The following RAD51B variants were observed in gnomAD, a reference collection of about 807,000 sequenced individuals.
RAD51B encodes the protein RAD51 paralog B.
A neutral mutation model predicts 42.2 loss-of-function variants in RAD51B; 38 were observed. The ratio of observed to expected loss-of-function variants is 0.90; its 90% CI spans 0.70 to 1.18. The LOEUF (loss-of-function observed/expected upper bound fraction) is 1.18, where lower values mean the gene tolerates loss of function less well. Among genes scored for constraint, RAD51B ranks in the 50% most tolerant of loss-of-function variants. The pLI is 0.00. For missense variants in RAD51B, 373 were observed against 400.7 expected (o/e 0.93, Z 0.59); for synonymous variants, 154 against 145.2 (o/e 1.06, Z -0.43).
At chr14:67,974,146 A>G (rs931639887) in intron 7 of RAD51B, among the ~76,000 whole-genome samples, 13 of 152,096 alleles carry the variant, frequency 8.5e-5, no homozygotes, top group African/African-American at 2.9e-4. Context: ...ATTGAATATT[A>G]AATACAAAAG....
intron 10 of RAD51B, among the ~76,000 whole-genome samples, chr14:68,561,837 G>C (rs1889166724): frequency 1.3e-5 from 2 of 152,198 alleles, no homozygotes; most frequent in South Asian, 4.1e-4. Context: ...CACACTGGTG[G>C]CCCGACTTGT....
intron 10 of RAD51B, among the ~76,000 whole-genome samples, chr14:68,648,951 T>C (rs1892642731): frequency 6.6e-6 from 1 of 152,052 alleles, no homozygotes; most frequent in Non-Finnish European, 1.5e-5. Context: ...CAGAGTGCAG[T>C]CCTAGGACTG....
At chr14:68,675,265 G>A (rs1430419595) in intron 11 of RAD51B, among the ~76,000 whole-genome samples, 1 of 152,120 alleles carries the variant, frequency 6.6e-6, no homozygotes, top group African/African-American at 2.4e-5. Context: ...TCTGGGTTAG[G>A]GCTCTGCTTT....
intron 7 of RAD51B, among the ~76,000 whole-genome samples, chr14:67,973,850 C>T (rs761047528): frequency 1.3e-4 from 20 of 152,124 alleles, no homozygotes; most frequent in Admixed American, 1.3e-4. Flanking sequence ...AAAAAGCAAG[C>T]ATCCAATGTT....
intron 10 of RAD51B, chr14:68,469,095 C>T: frequency 5.8e-6 from 3 of 514,230 alleles, no homozygotes; most frequent in Non-Finnish European, 1.2e-5. Flanking sequence ...TGCTGTGGGG[C>T]AGGAGACCCC....
intron 7 of RAD51B, 136 bp from the exon 8 acceptor site, chr14:68,291,744 GGGCT>G (rs1436551962): frequency 6.5e-6 from 4 of 616,690 alleles, no homozygotes; most frequent in Middle Eastern, 2.8e-4. Context: ...GTGAAAGTCA[GGGCT>G]GGGGTTTTGC....
chr14:68,120,760 C>T (rs921116257), intron 7 of RAD51B, among the ~76,000 whole-genome samples: 2 of 152,072 alleles, frequency 1.3e-5, no homozygotes, highest in African/African-American at 4.8e-5. Context: ...CTGCTATCCT[C>T]CCAACTCTCT....
chr14:68,499,167 C>T (rs768998421), intron 10 of RAD51B, among the ~76,000 whole-genome samples: 1 of 152,126 alleles, frequency 6.6e-6, no homozygotes, highest in Non-Finnish European at 1.5e-5. Flanking sequence ...TTTTTGCACT[C>T]GTAAGCCTAA....
intron 7 of RAD51B, among the ~76,000 whole-genome samples, chr14:68,205,584 G>GT (rs1283326545): frequency 2.6e-5 from 4 of 151,206 alleles, no homozygotes; most frequent in East Asian, 1.9e-4. Context: ...TTTTTTGGTT[G>GT]TTTTTTGTGT....
At chr14:68,428,711 A>C (rs1172504831) in intron 9 of RAD51B, among the ~76,000 whole-genome samples, 1 of 624 alleles carries the variant, frequency 1.6e-3, no homozygotes, top group Non-Finnish European at 7.5e-3. Flanking sequence ...TTTTCTTTAT[A>C]TATATATATA....
At chr14:68,274,077 T>G (rs1451599626) in intron 7 of RAD51B, among the ~76,000 whole-genome samples, 1 of 152,190 alleles carries the variant, frequency 6.6e-6, no homozygotes, top group Non-Finnish European at 1.5e-5. Flanking sequence ...CTCTTGTTGA[T>G]TCTACTAGTG....
chr14:68,007,918 G>A (rs2075618028), intron 7 of RAD51B, among the ~76,000 whole-genome samples: 1 of 151,812 alleles, frequency 6.6e-6, no homozygotes, highest in Non-Finnish European at 1.5e-5. Flanking sequence ...TAAAGAAAAA[G>A]CAAATTACAT....
intron 8 of RAD51B, among the ~76,000 whole-genome samples, chr14:68,351,688 G>A (rs144246052): frequency 1.5e-4 from 23 of 152,302 alleles, no homozygotes; most frequent in South Asian, 1.2e-3. Context: ...AGGAGTCAGC[G>A]TGGACACTGA....
At chr14:68,627,145 A>G (rs1892102883) in intron 10 of RAD51B, 1 of 152,168 alleles carries the variant, frequency 6.6e-6, no homozygotes, top group Non-Finnish European at 1.5e-5. Flanking sequence ...CACATTTAAG[A>G]ATGAGATTGC....
At chr14:68,678,163 C>A (rs1893352712) in intron 11 of RAD51B, among the ~76,000 whole-genome samples, 1 of 152,168 alleles carries the variant, frequency 6.6e-6, no homozygotes, top group South Asian at 2.1e-4. Context: ...TGGATTTGAA[C>A]CACCACGTTC....
chr14:68,586,434 G>A (rs368093752), intron 10 of RAD51B, among the ~76,000 whole-genome samples: 7 of 152,226 alleles, frequency 4.6e-5, no homozygotes, highest in Non-Finnish European at 5.9e-5. Context: ...AGATGCCCAT[G>A]GAAATGCAAG....
chr14:68,334,972 T>TA (rs1555394307), intron 8 of RAD51B, among the ~76,000 whole-genome samples: 4 of 146,062 alleles, frequency 2.7e-5, no homozygotes, highest in East Asian at 2.0e-4. Flanking sequence ...TATATATATA[T>TA]AAAAAAACAA....
chr14:68,387,380 G>C (rs2083618410), intron 8 of RAD51B, among the ~76,000 whole-genome samples: 1 of 152,178 alleles, frequency 6.6e-6, no homozygotes, highest in Admixed American at 6.5e-5. Flanking sequence ...CAAAAGGGAT[G>C]TACAAATCGA....
intron 7 of RAD51B, among the ~76,000 whole-genome samples, chr14:68,039,777 A>G: frequency 6.6e-6 from 1 of 152,210 alleles, no homozygotes; most frequent in African/African-American, 2.4e-5. Flanking sequence ...CTACTCACCT[A>G]TGACCCTAGA....
Sources: allele counts gnomAD v4.1 joint callset (sites outside exome capture counted in the v4.1 genomes callset), GRCh38; gene constraint gnomAD v4.1.1; transcripts MANE v1.5; gene names NCBI Gene and HGNC (gene_info 2026-07-23, HGNC 2026-07-21).